PRORP: variants seen among roughly 807,000 people sequenced by gnomAD.
The protein encoded by PRORP is mitochondrial ribonuclease P catalytic subunit.
In PRORP, 51 loss-of-function variants were observed where a neutral mutation model predicts 59.4. That is an observed-to-expected ratio of 0.86 (90% CI 0.69 to 1.08). The LOEUF is 1.08. Ranked by LOEUF, PRORP falls within the 50% of genes least tolerant of loss-of-function variation. The pLI is 0.00. For missense variants in PRORP, 646 were observed against 690.3 expected (o/e 0.94, Z 0.72); for synonymous variants, 231 against 245.6 (o/e 0.94, Z 0.55).
chr14:35,213,027 C>T (rs1460594153), intron 5 of PRORP, among the ~76,000 whole-genome samples: 1 of 152,210 alleles, frequency 6.6e-6, no homozygotes, highest in Non-Finnish European at 1.5e-5. Flanking sequence ...GAGATGCCTA[C>T]TTTCTTTAAA....
intron 4 of PRORP, among the ~76,000 whole-genome samples, chr14:35,132,881 T>G (rs17386684): frequency 0.18 from 27,388 of 151,846 alleles, 2,627 homozygotes; most frequent in Middle Eastern, 0.28. Flanking sequence ...GTTTGATCAT[T>G]CAATGCTTTG....
rs1035392726 is a variant in PRORP, at chr14:35,172,853, A to C, written c.1168-7817A>C. Among the ~76,000 whole-genome samples, 11 of 149,312 alleles carry C rather than the reference A, an allele frequency of 7.4e-5. 1 individual carries two copies. The highest frequency in any genetic ancestry group is 1.5e-4 in the Non-Finnish European group (10 of 67,700). Reference sequence around the variant, plus strand: ...AGTGCTGGGATTACAGGTGTGAGCCACTGCGCCCAGCCAGTTTCATTTTTT... The same window carrying C: ...AGTGCTGGGATTACAGGTGTGAGCCCCTGCGCCCAGCCAGTTTCATTTTTT... On this transcript the variant is annotated intron_variant, in intron 4 of 7. Transcript: ENST00000534898.
At chr14:35,234,060 T>C (rs185677288) in intron 5 of PRORP, among the ~76,000 whole-genome samples, 2 of 152,328 alleles carry the variant, frequency 1.3e-5, no homozygotes, top group East Asian at 1.9e-4. Flanking sequence ...CTCCCTTATA[T>C]AGAAAATAAC....
upstream of PRORP, chr14:35,122,059 A>C (rs1351626997): frequency 7.9e-5 from 102 of 1,298,318 alleles, no homozygotes; most frequent in Non-Finnish European, 1.1e-4. Context: ...AAAGGTTAGG[A>C]AGGCCGTCCA....
rs373197145 is a variant in PRORP, at chr14:35,273,422, T to C, written c.1621-13T>C. On this transcript the variant is annotated splice_polypyrimidine_tract_variant and intron_variant, in intron 7 of 7. Transcript: ENST00000534898. ...GTTGTTCTCAATGTTTTGTTCTCTT[T>C]TTAATTCAACAGCGTATTCTCAGCT... 1 of 1,598,228 alleles carries C rather than the reference T, an allele frequency of 6.3e-7. No homozygotes were observed. The highest frequency in any genetic ancestry group is 1.3e-5 in the African/African-American group (1 of 74,202).
At position 35,264,758 on chromosome 14, in the gene PRORP, T is replaced by A. The variant is rs564308145; in HGVS notation, c.1276-1969T>A. On this transcript the variant is annotated intron_variant, in intron 5 of 7. Coordinates refer to ENST00000534898, the MANE Select transcript of PRORP (RefSeq NM_014672.4). ...CACTTTGGGAGCCGAGGCGGTTGGA[T>A]CACAAGGTCAGGAGTTCCAGACCAG... 1.2e-4 allele frequency among the ~76,000 whole-genome samples: 19 copies of A among 152,230 alleles called. No homozygotes were observed. In the South Asian group the frequency reaches 3.7e-3, roughly 30 times the overall value.
chr14:35,133,172 G>A (rs2047293536), intron 4 of PRORP, among the ~76,000 whole-genome samples: 1 of 152,062 alleles, frequency 6.6e-6, no homozygotes, highest in Non-Finnish European at 1.5e-5. Context: ...TGCCCACTTG[G>A]CCTCCCAAAG....
chr14:35,209,871 T>A (rs1335516953), intron 5 of PRORP, among the ~76,000 whole-genome samples: 1 of 152,202 alleles, frequency 6.6e-6, no homozygotes, highest in African/African-American at 2.4e-5. Flanking sequence ...TCAGTTGAGT[T>A]ACATTCCCTC....
At chr14:35,233,887 A>G (rs1316549737) in intron 5 of PRORP, among the ~76,000 whole-genome samples, 1 of 152,150 alleles carries the variant, frequency 6.6e-6, no homozygotes, top group Non-Finnish European at 1.5e-5. Flanking sequence ...CAATTCATAT[A>G]TTTATTAGGA....
At chr14:35,217,816 G>A (rs1361437690) in intron 5 of PRORP, among the ~76,000 whole-genome samples, 2 of 152,052 alleles carry the variant, frequency 1.3e-5, no homozygotes, top group Admixed American at 1.3e-4. Flanking sequence ...CTGTCTTTAT[G>A]CCAGTACCAC....
At chr14:35,218,460 A>T (rs113232731) in intron 5 of PRORP, among the ~76,000 whole-genome samples, 80 of 21,650 alleles carry the variant, frequency 3.7e-3, no homozygotes, top group Admixed American at 0.015. Flanking sequence ...GATCCTGTCT[A>T]AAAAAAGAAA....
At chr14:35,125,588 T>G (rs375792500) in intron 2 of PRORP, among the ~76,000 whole-genome samples, 4 of 152,174 alleles carry the variant, frequency 2.6e-5, no homozygotes, top group Admixed American at 1.3e-4. Context: ...TTGCCTTTTT[T>G]TCCCCTATAT....
intron 4 of PRORP, among the ~76,000 whole-genome samples, chr14:35,180,122 T>A (rs980180586): frequency 2.6e-5 from 4 of 152,200 alleles, no homozygotes; most frequent in Admixed American, 2.6e-4. Context: ...CCCGGCCGTG[T>A]GAGGTGTCAG....
intron 4 of PRORP, among the ~76,000 whole-genome samples, chr14:35,165,941 A>C (rs1214164938): frequency 6.6e-6 from 1 of 152,014 alleles, no homozygotes; most frequent in Non-Finnish European, 1.5e-5. Flanking sequence ...CAGCCTCCCA[A>C]AGTGCTGGGA....
chr14:35,252,629 G>A (rs564778054), intron 5 of PRORP, among the ~76,000 whole-genome samples: 1 of 151,942 alleles, frequency 6.6e-6, no homozygotes, highest in East Asian at 1.9e-4. Flanking sequence ...CTCTCTCTAC[G>A]TGTCTGCAGT....
At chr14:35,143,626 A>T (rs1200842347) in intron 4 of PRORP, among the ~76,000 whole-genome samples, 2 of 145,174 alleles carry the variant, frequency 1.4e-5, no homozygotes, top group African/African-American at 4.9e-5. Context: ...TAAAAGACAG[A>T]TAGTTTTTGT....
chr14:35,217,019 A>T (rs1314729985), intron 5 of PRORP, among the ~76,000 whole-genome samples: 1 of 152,176 alleles, frequency 6.6e-6, no homozygotes, highest in Non-Finnish European at 1.5e-5. Flanking sequence ...ATTGAATTGT[A>T]AGAGTTCTTT....
chr14:35,176,664 A>G (rs1470016073), intron 4 of PRORP, among the ~76,000 whole-genome samples: 1 of 152,188 alleles, frequency 6.6e-6, no homozygotes, highest in African/African-American at 2.4e-5. Flanking sequence ...GGTTTTCTAA[A>G]TATACGATCA....
At chr14:35,135,080 T>C (rs571641496) in intron 4 of PRORP, among the ~76,000 whole-genome samples, 37 of 152,194 alleles carry the variant, frequency 2.4e-4, no homozygotes, top group Non-Finnish European at 5.0e-4. Flanking sequence ...CTGAGTTCAA[T>C]GCAGTGTCTC....
Sources: allele counts gnomAD v4.1 joint callset (sites outside exome capture counted in the v4.1 genomes callset), GRCh38; gene constraint gnomAD v4.1.1; transcripts MANE v1.5; gene names NCBI Gene and HGNC (gene_info 2026-07-23, HGNC 2026-07-21).